Variants in DNAH12 observed in about 807,000 individuals in gnomAD.
DNAH12 encodes axonemal beta dynein heavy chain 12.
Under a neutral mutation model 371.5 loss-of-function variants are expected in DNAH12, and 285 were observed. That is an observed-to-expected ratio of 0.77 (90% CI 0.70 to 0.85). The LOEUF (loss-of-function observed/expected upper bound fraction) is 0.85, where lower values mean the gene tolerates loss of function less well. DNAH12 is among the 40% of genes least tolerant of loss of function. The pLI is 0.00. For synonymous variants in DNAH12, 1,200 were observed against 1,213.0 expected, an observed-to-expected ratio of 0.99 and a Z score of 0.22; for missense variants, 3,611 against 3,689.4, an observed-to-expected ratio of 0.98 and a Z score of 0.55.
intron 54 of DNAH12, 82 bp downstream of exon 54, chr3:57,375,733 CATT>C (rs1251511492): frequency 6.6e-6 from 1 of 152,008 alleles, no homozygotes; most frequent in Non-Finnish European, 1.5e-5. Flanking sequence ...TCTCTTCTGC[CATT>C]ATTATCATCC....
intron 11 of DNAH12, among the ~76,000 whole-genome samples, chr3:57,493,476 G>C (rs995553806): frequency 6.6e-6 from 1 of 151,970 alleles, no homozygotes; most frequent in African/African-American, 2.4e-5. Context: ...ATCTATACAG[G>C]GGTCCTAGAA....
Position 57,503,466 on chromosome 3 carries a change from G to A in DNAH12, c.1086+550C>T, listed in dbSNP as rs2153391284. Among the ~76,000 whole-genome samples, 2 of 150,544 alleles carry A rather than the reference G, an allele frequency of 1.3e-5. 1 individual carries two copies. Among genetic ancestry groups the A allele is most frequent in the African/African-American group, 4.9e-5 (2 of 40,882 alleles). On this transcript the variant is annotated intron_variant, in intron 9 of 73. Transcript: ENST00000495027. ...TGCAGTGGGGTGATCTTGGCTCACT[G>A]CAACCTCCGACTCCCTGGTTCAAGG...
intron 4 of DNAH12, among the ~76,000 whole-genome samples, chr3:57,521,649 G>A (rs532631763): frequency 2.9e-4 from 44 of 152,362 alleles, no homozygotes; most frequent in African/African-American, 9.6e-4. Context: ...CACTTTGGGA[G>A]GCCAAGGTGG....
the DNAH12 span, among the ~76,000 whole-genome samples, chr3:57,549,702 C>T: frequency 1.2e-3 from 175 of 152,042 alleles, 1 homozygote; most frequent in African/African-American, 3.7e-3. Context: ...CAGCTCACTG[C>T]GACTTCAGCC....
chr3:57,425,159 G>A lies in DNAH12; in HGVS notation c.5254-18C>T, dbSNP rs1266798029. On this transcript the variant is annotated intron_variant, in intron 34 of 73. Transcript: ENST00000495027. ...ATCAGTTCCTGCAAGGTGAAAATAA[G>A]ATAACTTTCTTAATTTTCATCTTAT... 1.5e-6 allele frequency: 1 copy of A among 680,516 alleles called. No homozygotes were observed. The highest frequency in any genetic ancestry group is 1.6e-5 in the South Asian group (1 of 62,552). 42.2% of individuals were successfully genotyped at this position (680,516 alleles called of 1,614,324 possible).
chr3:57,352,338 TAA>T, intron 59 of DNAH12, 113 bp from the exon 60 acceptor site: 1 of 1,145,554 alleles, frequency 8.7e-7, no homozygotes, highest in Non-Finnish European at 1.2e-6. Context: ...TAAAAACGTA[TAA>T]AGATACACAC....
chr3:57,489,688 C>G lies in DNAH12; in HGVS notation c.1336-1G>C. On this transcript the variant is annotated splice_acceptor_variant, in intron 11 of 73. Coordinates refer to ENST00000495027, the MANE Select transcript of DNAH12 (RefSeq NM_001366028.2). LOFTEE classifies it high-confidence loss of function. Reference sequence around the variant, plus strand: ...CAAGACTGAGAAATTTTTCTATAAACTTGAAAAAAAGTGTTCAAATGAAAA... The same window carrying G: ...CAAGACTGAGAAATTTTTCTATAAAGTTGAAAAAAAGTGTTCAAATGAAAA... 6.7e-7 allele frequency: 1 copy of G among 1,497,274 alleles called. No individual in the cohort carries two copies. Among genetic ancestry groups the G allele is most frequent in the South Asian group, 1.4e-5 (1 of 73,620 alleles). The allele number at this position is 1,497,274 out of a possible 1,614,324, so 92.7% of individuals were successfully genotyped here.
intron 4 of DNAH12, among the ~76,000 whole-genome samples, chr3:57,520,452 T>TA (rs371398061): frequency 0.05 from 7,335 of 147,420 alleles, 243 homozygotes; most frequent in African/African-American, 0.09. Flanking sequence ...TTATTATTAT[T>TA]TTTTTTTTGA....
chr3:57,357,517 A>G (rs2062827490), intron 58 of DNAH12, among the ~76,000 whole-genome samples, 169 bp from the exon 59 acceptor site: 2 of 152,208 alleles, frequency 1.3e-5, no homozygotes, highest in African/African-American at 4.8e-5. Flanking sequence ...CCAGAAATAA[A>G]GAAAACAAAA....
chr3:57,499,647 A>AAAAAAAAAAAAAAAAAAT (rs1451248906), intron 11 of DNAH12, among the ~76,000 whole-genome samples: 1 of 17,946 alleles, frequency 5.6e-5, no homozygotes, highest in African/African-American at 2.1e-4. Context: ...AAAAAAAAAA[A>AAAAAAAAAAAAAAAAAAT]ATATATATAT....
At chr3:57,384,440 C>T (rs2063459208) in intron 49 of DNAH12, among the ~76,000 whole-genome samples, 1 of 151,904 alleles carries the variant, frequency 6.6e-6, no homozygotes, top group African/African-American at 2.4e-5. Context: ...AATTTGAGAC[C>T]AACCTGGGCA....
intron 45 of DNAH12, among the ~76,000 whole-genome samples, chr3:57,390,728 G>C (rs887678829): frequency 6.6e-6 from 1 of 151,742 alleles, no homozygotes; most frequent in African/African-American, 2.4e-5. Flanking sequence ...GTGAGGCAGT[G>C]GCCTTCATCA....
rs1280902906 is a variant in DNAH12, at chr3:57,310,627, C to T, written c.10896+90G>A. On this transcript the variant is annotated intron_variant, in intron 67 of 73. Transcript: ENST00000495027. ...AGTTGATTAAAACCATAATATTTGT[C>T]TAAACCTATACATTAGAGAAGAACA... 3 of 876,774 alleles carry T rather than the reference C, an allele frequency of 3.4e-6. No homozygotes were observed. In the African/African-American group the frequency reaches 5.1e-5, roughly 15 times the overall value. 54.3% of individuals were successfully genotyped at this position (876,774 alleles called of 1,614,324 possible).
At chr3:57,481,652 G>A (rs1333049011) in intron 13 of DNAH12, among the ~76,000 whole-genome samples, 6 of 152,230 alleles carry the variant, frequency 3.9e-5, no homozygotes, top group Admixed American at 6.5e-5. Flanking sequence ...GAGGCATCAC[G>A]CTACCTGACT....
intron 60 of DNAH12, among the ~76,000 whole-genome samples, chr3:57,343,973 T>G (rs1374958797): frequency 6.6e-6 from 1 of 152,162 alleles, no homozygotes; most frequent in Non-Finnish European, 1.5e-5. Context: ...ATCTTCTCCT[T>G]ATTATCACCC....
chr3:57,330,112 G>C lies in DNAH12; in HGVS notation c.9978+4353C>G, dbSNP rs1026446489. Among the ~76,000 whole-genome samples, 79 of 151,966 alleles carry C rather than the reference G, an allele frequency of 5.2e-4. 1 individual carries two copies. The highest frequency in any genetic ancestry group is 2.3e-3 in the Admixed American group (35 of 15,266). On this transcript the variant is annotated intron_variant, in intron 62 of 73. Transcript: ENST00000495027. ...AAATAGGAACACTTTTACACTGTTGGTGGGACTGTAAACTAGTTCAACCAT... is the reference window on the plus strand; with the variant it reads ...AAATAGGAACACTTTTACACTGTTGCTGGGACTGTAAACTAGTTCAACCAT...
intron 58 of DNAH12, among the ~76,000 whole-genome samples, chr3:57,362,972 G>T (rs1490656113): frequency 6.6e-6 from 1 of 152,020 alleles, no homozygotes; most frequent in Non-Finnish European, 1.5e-5. Context: ...GTATTGCCAA[G>T]GTTTTCTTCT....
intron 47 of DNAH12, among the ~76,000 whole-genome samples, 161 bp downstream of exon 47, chr3:57,386,279 TC>T (rs1411343824): frequency 6.6e-6 from 1 of 152,222 alleles, no homozygotes; most frequent in East Asian, 1.9e-4. Context: ...CACAGAAGTG[TC>T]CACCTTATAG....
At position 57,504,001 on chromosome 3, in the gene DNAH12, G is replaced by A. The variant is rs780161052; in HGVS notation, c.1086+15C>T. The A allele has an allele frequency of 1.9e-6, 3 of 1,601,154 alleles. No individual in the cohort carries two copies. The highest frequency in any genetic ancestry group is 2.6e-6 in the Non-Finnish European group (3 of 1,171,284). Reference sequence around the variant, plus strand: ...ATAATTTAAAATTCTTTCCCGATGGGTAAAGATGTAATACCTGCAGAGCTT... The same window carrying A: ...ATAATTTAAAATTCTTTCCCGATGGATAAAGATGTAATACCTGCAGAGCTT... On this transcript the variant is annotated intron_variant, in intron 9 of 73. Transcript: ENST00000495027.
Sources: allele counts gnomAD v4.1 joint callset (sites outside exome capture counted in the v4.1 genomes callset), GRCh38; gene constraint gnomAD v4.1.1; transcripts MANE v1.5; gene names NCBI Gene and HGNC (gene_info 2026-07-23, HGNC 2026-07-21).